RFPL2: variants seen among roughly 807,000 people sequenced by gnomAD.
The protein encoded by RFPL2 is ret finger protein-like 2.
A neutral mutation model predicts 17.8 loss-of-function variants in RFPL2; 13 were observed. The observed-to-expected ratio is 0.73, with a 90% CI of 0.47 to 1.16. The LOEUF is 1.16. Among genes scored for constraint, RFPL2 ranks in the 50% most tolerant of loss-of-function variants. The probability of loss-of-function intolerance (pLI) is 0.00; values close to 1 mark genes in which losing one functional copy is unlikely to be tolerated. For missense variants in RFPL2, 431 were observed against 479.3 expected (o/e 0.90, Z 0.94); for synonymous variants, 189 against 180.9 (o/e 1.04, Z -0.36).
chr22:32,200,477 C>G (rs1470826732), intron 2 of RFPL2, among the ~76,000 whole-genome samples: 1 of 152,114 alleles, frequency 6.6e-6, no homozygotes, highest in Non-Finnish European at 1.5e-5. Context: ...GGGATAGTAG[C>G]CCAGGGGGAG....
At chr22:32,191,746 A>G (rs1922678627) in intron 4 of RFPL2, among the ~76,000 whole-genome samples, 1 of 152,162 alleles carries the variant, frequency 6.6e-6, no homozygotes. Flanking sequence ...TTTTGCTTCA[A>G]TTTAAATAGT....
At chr22:32,193,484 C>T (rs1922946492) in intron 3 of RFPL2, 11 of 1,429,846 alleles carry the variant, frequency 7.7e-6, no homozygotes, top group Admixed American at 2.9e-5. Flanking sequence ...CATGGCAGCA[C>T]CCATGTGAGG....
chr22:32,194,906 G>GA (rs1233928482), intron 2 of RFPL2, among the ~76,000 whole-genome samples: 1 of 152,022 alleles, frequency 6.6e-6, no homozygotes, highest in East Asian at 1.9e-4. Flanking sequence ...TAATTCATAG[G>GA]AAAAAATTAG....
intron 2 of RFPL2, among the ~76,000 whole-genome samples, chr22:32,201,128 T>C (rs1205560129): frequency 6.6e-6 from 1 of 150,998 alleles, no homozygotes; most frequent in East Asian, 1.9e-4. Flanking sequence ...AGCTCTACCT[T>C]CCAGGTTCAC....
Position 32,190,624 on chromosome 22 carries a change from C to A in RFPL2, c.*148G>T. The A allele has an allele frequency of 1.3e-6, 1 of 775,454 alleles. No homozygotes were observed. Among genetic ancestry groups the A allele is most frequent in the Non-Finnish European group, 1.9e-6 (1 of 513,370 alleles). 48.0% of individuals were successfully genotyped at this position (775,454 alleles called of 1,614,324 possible). A position where few individuals can be genotyped will look rare whatever the true frequency, so the allele number is the denominator to read the frequency against. ...TAATTAATACTTAGGACTCTATAAT[C>A]TAATCAAATTAGATTAAGTACAATC... On this transcript the variant is annotated 3_prime_UTR_variant, in exon 5 of 5. Coordinates refer to ENST00000652607, the MANE Select transcript of RFPL2 (RefSeq NM_001394555.1).
intron 4 of RFPL2, 106 bp from the exon 5 acceptor site, chr22:32,191,458 C>T: frequency 7.2e-7 from 1 of 1,388,810 alleles, no homozygotes; most frequent in African/African-American, 1.4e-5. Context: ...TTCTTTAATT[C>T]TCTTCTTCCC....
chr22:32,190,764 G>A lies in RFPL2; in HGVS notation c.*8C>T, dbSNP rs1424924351. ...TTACCCTGTTTTTTGTTTTTTTGGA[G>A]TGAGGGCTTATTTGGCCTCCCCAGG... On this transcript the variant is annotated 3_prime_UTR_variant, in exon 5 of 5. Coordinates refer to ENST00000652607, the MANE Select transcript of RFPL2 (RefSeq NM_001394555.1). The A allele has an allele frequency of 1.5e-5, 22 of 1,500,910 alleles. No homozygotes were observed. The highest frequency in any genetic ancestry group is 1.8e-5 in the Non-Finnish European group (20 of 1,125,626). 93.0% of individuals were successfully genotyped at this position (1,500,910 alleles called of 1,614,324 possible).
Position 32,190,792 on chromosome 22 carries a change from G to C in RFPL2, c.1117C>G (p.Arg373Gly). 1.3e-6 allele frequency: 2 copies of C among 1,529,994 alleles called. No homozygotes were observed. Among genetic ancestry groups the C allele is most frequent in the Middle Eastern group, 1.8e-4 (1 of 5,672 alleles). 94.8% of individuals were successfully genotyped at this position (1,529,994 alleles called of 1,614,324 possible). A position where few individuals can be genotyped will look rare whatever the true frequency, so the allele number is the denominator to read the frequency against. Residue 373 changes from arginine to glycine, a missense_variant, in exon 5 of 5, where the codon CGT (arginine) becomes GGT (glycine). Transcript: ENST00000652607. ...AGGGCTTATTTGGCCTCCCCAGGAC[G>C]GACTGGAGCATCAGTAGTGCCTGAG... The part of the protein sequence containing the change: ...MNSGTTDAPV[R>G]PGEAK
intron 2 of RFPL2, among the ~76,000 whole-genome samples, chr22:32,200,931 C>A (rs184166122): frequency 7.6e-4 from 116 of 151,850 alleles, no homozygotes; most frequent in African/African-American, 2.7e-3. Context: ...GAAGTCAGGA[C>A]GGAAACACAC....
intron 1 of RFPL2, among the ~76,000 whole-genome samples, chr22:32,204,298 C>T (rs895696366): frequency 9.9e-5 from 15 of 152,220 alleles, no homozygotes; most frequent in African/African-American, 3.6e-4. Context: ...GCCCCCAACC[C>T]GTACCCCAGC....
Position 32,191,225 on chromosome 22 carries a change from A to G in RFPL2, c.684T>C (p.Val228=), listed in dbSNP as rs537904923. 5.0e-6 allele frequency: 8 copies of G among 1,613,960 alleles called. No individual in the cohort carries two copies. The Admixed American group carries it at 6.7e-5, about 13-fold the overall frequency. ...TAAAGCGAGGGGAGCCCAGGATGCA[A>G]ACGGACACGTCAAATCTCTCGGCAA... ...QDLAERFDVS[V]CILGSPRFTC... is the part of the protein sequence containing the mutation. Residue 228 remains valine, a synonymous_variant, in exon 5 of 5, where the codon GTT becomes GTC. Transcript: ENST00000652607.
At chr22:32,196,268 C>T (rs1262800378) in intron 2 of RFPL2, among the ~76,000 whole-genome samples, 3 of 152,326 alleles carry the variant, frequency 2.0e-5, no homozygotes, top group Non-Finnish European at 2.9e-5. Flanking sequence ...AAAATAACAG[C>T]TTTGTTTTCA....
chr22:32,199,953 C>T (rs1823748181), intron 2 of RFPL2: 1 of 538,978 alleles, frequency 1.9e-6, no homozygotes, highest in East Asian at 4.9e-5. Flanking sequence ...TCACTCTGTT[C>T]CCGTCCTCCT....
chr22:32,190,674 C>A lies in RFPL2; in HGVS notation c.*98G>T. 1 of 1,245,588 alleles carries A rather than the reference C, an allele frequency of 8.0e-7. No homozygotes were observed. Among genetic ancestry groups the A allele is most frequent in the Non-Finnish European group, 1.1e-6 (1 of 908,756 alleles). The allele number at this position is 1,245,588 out of a possible 1,614,324, so 77.2% of individuals were successfully genotyped here. A position where few individuals can be genotyped will look rare whatever the true frequency, so the allele number is the denominator to read the frequency against. On this transcript the variant is annotated 3_prime_UTR_variant, in exon 5 of 5. Transcript: ENST00000652607. ...CAAGAAATGTCCCATATTTTTCTCCCGTGACTTTGTATAATGCTTTTACGA... is the reference window on the plus strand; with the variant it reads ...CAAGAAATGTCCCATATTTTTCTCCAGTGACTTTGTATAATGCTTTTACGA...
At chr22:32,198,810 C>A (rs1177662628) in intron 2 of RFPL2, among the ~76,000 whole-genome samples, 1 of 151,964 alleles carries the variant, frequency 6.6e-6, no homozygotes, top group Non-Finnish European at 1.5e-5. Flanking sequence ...CGGCACTAGG[C>A]CGGGTGACCT....
At chr22:32,204,416 C>A (rs535007050) in intron 1 of RFPL2, among the ~76,000 whole-genome samples, 19 of 152,284 alleles carry the variant, frequency 1.2e-4, no homozygotes, top group African/African-American at 4.6e-4. Context: ...AGTGCAGCAC[C>A]CAATACTGCC....
At chr22:32,198,090 T>G (rs1923535164) in intron 2 of RFPL2, among the ~76,000 whole-genome samples, 1 of 152,274 alleles carries the variant, frequency 6.6e-6, no homozygotes, top group East Asian at 1.9e-4. Flanking sequence ...CTGCTGACTC[T>G]GGGCCAAGCT....
At chr22:32,191,487 G>A (rs1331695915) in intron 4 of RFPL2, 135 bp from the exon 5 acceptor site, 2 of 1,129,214 alleles carry the variant, frequency 1.8e-6, no homozygotes, top group East Asian at 2.5e-5. Context: ...CAAACTTCAT[G>A]AGGTAACTTC....
In RFPL2 at chr22:32,201,508, T is replaced by G. The variant is rs5994487; in HGVS notation, c.119+825A>C. Among the ~76,000 whole-genome samples the G allele has an allele frequency of 7.5e-4, 115 of 152,370 alleles. 1 individual carries two copies. Among genetic ancestry groups the G allele is most frequent in the African/African-American group, 2.3e-3 (95 of 41,588 alleles). On this transcript the variant is annotated intron_variant, in intron 2 of 4. Transcript: ENST00000652607. ...GACACATGCACAGGTGACCTGTGTC[T>G]GTAAGTGCACCTACAGCTGCCTGGC... is the stretch of plus-strand genomic sequence containing the variant.
Sources: gnomAD v4.1 joint callset for allele counts (sites outside exome capture counted in the v4.1 genomes callset) on GRCh38, gnomAD v4.1.1 for gene constraint, MANE v1.5 for transcripts, NCBI Gene and HGNC (gene_info 2026-07-23, HGNC 2026-07-21) for gene names.